ANKRD6: variants seen among roughly 807,000 people sequenced by gnomAD.
ANKRD6 encodes ankyrin repeat domain 6.
A neutral mutation model predicts 82.3 loss-of-function variants in ANKRD6; 56 were observed. That is an observed-to-expected ratio of 0.68 (90% CI 0.55 to 0.85). ANKRD6 has a LOEUF of 0.85. Among genes scored for constraint, ANKRD6 ranks in the 40% least tolerant of loss-of-function variants. The pLI is 0.00. For missense variants in ANKRD6, 852 were observed against 907.6 expected (o/e 0.94, Z 0.79); for synonymous variants, 347 against 352.1 (o/e 0.99, Z 0.16).
intron 1 of ANKRD6, among the ~76,000 whole-genome samples, chr6:89,522,083 A>G (rs1355786424): frequency 6.6e-6 from 1 of 152,224 alleles, no homozygotes; most frequent in Admixed American, 6.5e-5. Context: ...GCCAGTGTAT[A>G]TACATAAACC....
intron 15 of ANKRD6, 57 bp downstream of exon 15, chr6:89,629,295 T>TA: frequency 1.2e-6 from 2 of 1,608,048 alleles, no homozygotes; most frequent in Non-Finnish European, 1.7e-6. Flanking sequence ...GCAGCTCTTG[T>TA]ACTCTCCTGC....
At chr6:89,505,180 C>T (rs1319897694) in intron 1 of ANKRD6, among the ~76,000 whole-genome samples, 3 of 152,186 alleles carry the variant, frequency 2.0e-5, no homozygotes, top group African/African-American at 7.2e-5. Flanking sequence ...GTATTTCTGC[C>T]TTCTCCAGGG....
At chr6:89,629,583 C>T (rs933581611) in intron 15 of ANKRD6, 5 of 322,834 alleles carry the variant, frequency 1.5e-5, no homozygotes, top group African/African-American at 1.1e-4. Context: ...GCTCTTCCTC[C>T]CTTGCCTTTT....
intron 1 of ANKRD6, among the ~76,000 whole-genome samples, chr6:89,486,081 A>C (rs1469177986): frequency 6.6e-5 from 10 of 152,192 alleles, no homozygotes; most frequent in Admixed American, 6.5e-4. Flanking sequence ...ATGGGGTCAT[A>C]ATGTATGATG....
At position 89,600,772 on chromosome 6, in the gene ANKRD6, G is replaced by A. The variant is rs574015049; in HGVS notation, c.220-2257G>A. 1.8e-4 allele frequency among the ~76,000 whole-genome samples: 28 copies of A among 152,104 alleles called. No individual in the cohort carries two copies. In the East Asian group the frequency reaches 2.1e-3, roughly 12 times the overall value. Reference sequence around the variant, plus strand: ...GACGTGGGGCCAGGCACGGTGGCTCGCGCCTGTAATCCCAACACTTTGGGA... The same window carrying A: ...GACGTGGGGCCAGGCACGGTGGCTCACGCCTGTAATCCCAACACTTTGGGA... On this transcript the variant is annotated intron_variant, in intron 3 of 15. Coordinates refer to ENST00000339746, the MANE Select transcript of ANKRD6 (RefSeq NM_001242809.2).
intron 1 of ANKRD6, among the ~76,000 whole-genome samples, chr6:89,559,445 T>C (rs890238026): frequency 6.6e-6 from 1 of 152,198 alleles, no homozygotes; most frequent in African/African-American, 2.4e-5. Flanking sequence ...CAGTTCCTTA[T>C]GCCCATCTCT....
Position 89,615,046 on chromosome 6 carries a change from AAATGTGCAC to A in ANKRD6, c.615+1160_615+1168del, listed in dbSNP as rs1177740694. Among the ~76,000 whole-genome samples the A allele has an allele frequency of 5.9e-5, 9 of 152,304 alleles. No homozygotes were observed. In the South Asian group the frequency reaches 1.9e-3, roughly 32 times the overall value. On this transcript the variant is annotated intron_variant, in intron 7 of 15. Transcript: ENST00000339746. ...CTGTGAATATTACCGTCTTCCTTAG[AAATGTGCAC>A]AATTTCCAGCAGTCATTGGATTTGA...
At chr6:89,455,150 TG>T (rs1389605904) in intron 1 of ANKRD6, among the ~76,000 whole-genome samples, 44 of 142,248 alleles carry the variant, frequency 3.1e-4, no homozygotes, top group African/African-American at 1.2e-3. Flanking sequence ...AGTGTGTGTG[TG>T]TTTTTTTTTT....
chr6:89,578,950 A>G (rs1791800237), intron 2 of ANKRD6, among the ~76,000 whole-genome samples: 1 of 152,054 alleles, frequency 6.6e-6, no homozygotes, highest in African/African-American at 2.4e-5. Context: ...TTGCCCTTCC[A>G]CCACTATGCT....
At chr6:89,617,078 T>G in intron 8 of ANKRD6, 1 of 385,778 alleles carries the variant, frequency 2.6e-6, no homozygotes, top group Non-Finnish European at 5.2e-6. Context: ...CCTCACTGTT[T>G]CCCTTTCCCT....
Position 89,513,061 on chromosome 6 carries a change from A to T in ANKRD6, c.-143-53773A>T, listed in dbSNP as rs568386370. Among the ~76,000 whole-genome samples the T allele has an allele frequency of 3.6e-4, 54 of 151,990 alleles. No individual in the cohort carries two copies. The South Asian group carries it at 0.011, about 31-fold the overall frequency. On this transcript the variant is annotated intron_variant, in intron 1 of 15. Coordinates refer to ENST00000339746, the MANE Select transcript of ANKRD6 (RefSeq NM_001242809.2). ...TGCCTCCGCTTCCTGAGTAGCTGGG[A>T]CTATAGGCATGTGCAACCATGCCTG...
At chr6:89,448,436 G>A (rs79076059) in intron 1 of ANKRD6, among the ~76,000 whole-genome samples, 292 of 144,292 alleles carry the variant, frequency 2.0e-3, no homozygotes, top group Middle Eastern at 3.6e-3. Context: ...TGTCAAAAAA[G>A]AAAAAAAAAA....
chr6:89,539,841 A>G (rs559105522), intron 1 of ANKRD6, among the ~76,000 whole-genome samples: 135 of 149,288 alleles, frequency 9.0e-4, no homozygotes, highest in African/African-American at 3.0e-3. Flanking sequence ...CTCTATGTCC[A>G]TAAGTTCAAT....
At chr6:89,623,189 C>G (rs1455728142) in intron 10 of ANKRD6, among the ~76,000 whole-genome samples, 1 of 151,954 alleles carries the variant, frequency 6.6e-6, no homozygotes, top group Admixed American at 6.6e-5. Context: ...AGCTTAGGAC[C>G]TAATAAATAC....
chr6:89,591,897 A>C (rs1336472770), intron 2 of ANKRD6, among the ~76,000 whole-genome samples: 1 of 152,220 alleles, frequency 6.6e-6, no homozygotes, highest in Admixed American at 6.5e-5. Flanking sequence ...GCCCCTCCTC[A>C]GAAAAGCTCC....
At position 89,555,532 on chromosome 6, in the gene ANKRD6, G is replaced by A. The variant is rs556529305; in HGVS notation, c.-143-11302G>A. ...CTCAGGGCAGGGTGATTTCACCCTT[G>A]GGACCCTGGAGGTTGGAAGAGTATT... On this transcript the variant is annotated intron_variant, in intron 1 of 15. Coordinates refer to ENST00000339746, the MANE Select transcript of ANKRD6 (RefSeq NM_001242809.2). Among the ~76,000 whole-genome samples, 136 of 152,056 alleles carry A rather than the reference G, an allele frequency of 8.9e-4. 2 individuals are homozygous for A. Among genetic ancestry groups the A allele is most frequent in the Non-Finnish European group, 1.6e-3 (106 of 68,012 alleles).
At chr6:89,517,070 A>G (rs138972612) in intron 1 of ANKRD6, among the ~76,000 whole-genome samples, 1 of 152,218 alleles carries the variant, frequency 6.6e-6, no homozygotes, top group African/African-American at 2.4e-5. Context: ...GGGTCTCACT[A>G]TGTTGCCCAT....
intron 1 of ANKRD6, among the ~76,000 whole-genome samples, chr6:89,515,919 C>T (rs1371152254): frequency 1.3e-5 from 2 of 152,160 alleles, no homozygotes; most frequent in Non-Finnish European, 2.9e-5. Flanking sequence ...AAAACCAAGG[C>T]AGAGATTAGA....
At chr6:89,543,110 A>G (rs1274606356) in intron 1 of ANKRD6, among the ~76,000 whole-genome samples, 1 of 152,242 alleles carries the variant, frequency 6.6e-6, no homozygotes, top group Non-Finnish European at 1.5e-5. Context: ...AAATGTGGAA[A>G]TGCAAGGAAT....
Sources: allele counts gnomAD v4.1 joint callset (sites outside exome capture counted in the v4.1 genomes callset), GRCh38; gene constraint gnomAD v4.1.1; transcripts MANE v1.5; gene names NCBI Gene and HGNC (gene_info 2026-07-23, HGNC 2026-07-21).